NFATC3: variants seen among roughly 807,000 people sequenced by gnomAD.
NFATC3 encodes the protein nuclear factor of activated T-cells, cytoplasmic 3.
NFATC3 carries 46 observed loss-of-function variants against 98.6 expected under a neutral mutation model. The observed-to-expected ratio is 0.47, with a 90% CI of 0.37 to 0.60. The LOEUF is 0.60. Ranked by LOEUF, NFATC3 falls within the 20% of genes least tolerant of loss-of-function variation. NFATC3 has a pLI of 0.00. For missense variants in NFATC3, 1,256 were observed against 1,295.5 expected (o/e 0.97, Z 0.47); for synonymous variants, 512 against 472.2 (o/e 1.08, Z -1.09).
At chr16:68,128,216 A>G (rs1202314951) in intron 3 of NFATC3, among the ~76,000 whole-genome samples, 2 of 152,214 alleles carry the variant, frequency 1.3e-5, no homozygotes, top group African/African-American at 4.8e-5. Flanking sequence ...TTCAACAAAT[A>G]AAATCTACAA....
intron 1 of NFATC3, 50 bp downstream of exon 1, chr16:68,085,834 C>T (rs9933157): frequency 1.1e-5 from 15 of 1,312,618 alleles, no homozygotes; most frequent in African/African-American, 1.6e-5. Context: ...TTCTCGCTCG[C>T]AGGATCTCTC....
At chr16:68,194,016 A>G (rs2040553425) in intron 9 of NFATC3, among the ~76,000 whole-genome samples, 1 of 152,214 alleles carries the variant, frequency 6.6e-6, no homozygotes, top group Non-Finnish European at 1.5e-5. Context: ...AACAGAAGGT[A>G]TATGTGTAAA....
intron 3 of NFATC3, among the ~76,000 whole-genome samples, chr16:68,136,981 T>C (rs2037448997): frequency 6.6e-6 from 1 of 152,212 alleles, no homozygotes; most frequent in Admixed American, 6.5e-5. Context: ...GAAGTTGCTC[T>C]GGGTGAATCA....
Position 68,228,990 on chromosome 16 carries a change from A to T in NFATC3, c.*2519A>T, listed in dbSNP as rs1482400949. 6.6e-6 allele frequency: 1 copy of T among 152,250 alleles called. No homozygotes were observed. Among genetic ancestry groups the T allele is most frequent in the Non-Finnish European group, 1.5e-5 (1 of 68,042 alleles). The allele number at this position is 152,250 out of a possible 1,614,324, so 9.4% of individuals were successfully genotyped here. A position where few individuals can be genotyped will look rare whatever the true frequency, so the allele number is the denominator to read the frequency against. On this transcript the variant is annotated 3_prime_UTR_variant, in exon 10 of 10. Transcript: ENST00000346183. ...CAGACCTCTTCTGGGCCTGGCTGTG[A>T]AGCCCTGTTTTTGGTATTCAGAATG...
At chr16:68,162,171 C>G (rs921167361) in intron 4 of NFATC3, among the ~76,000 whole-genome samples, 1 of 152,168 alleles carries the variant, frequency 6.6e-6, no homozygotes, top group Admixed American at 6.5e-5. Context: ...AACAGGAGTT[C>G]TGTAGGACCC....
intron 2 of NFATC3, among the ~76,000 whole-genome samples, chr16:68,123,736 A>G (rs776481593): frequency 6.6e-6 from 1 of 152,018 alleles, no homozygotes; most frequent in Non-Finnish European, 1.5e-5. Context: ...GTGGTGTCTC[A>G]TGCCTGTAAT....
chr16:68,110,087 C>A (rs1567501914), intron 1 of NFATC3, among the ~76,000 whole-genome samples: 1 of 152,152 alleles, frequency 6.6e-6, no homozygotes, highest in Non-Finnish European at 1.5e-5. Flanking sequence ...TCACTGCAAC[C>A]TCCACCTCCT....
At chr16:68,159,417 T>G (rs1355536765) in intron 4 of NFATC3, among the ~76,000 whole-genome samples, 1 of 151,310 alleles carries the variant, frequency 6.6e-6, no homozygotes, top group Non-Finnish European at 1.5e-5. Context: ...TTTTTTTTTT[T>G]TTTATATTTT....
chr16:68,223,102 C>T (rs903801146), intron 9 of NFATC3, among the ~76,000 whole-genome samples: 3 of 152,228 alleles, frequency 2.0e-5, no homozygotes, highest in African/African-American at 7.2e-5. Flanking sequence ...AAAGCATCCT[C>T]ACAACTTTTC....
chr16:68,121,562 C>G (rs527519083), intron 1 of NFATC3, among the ~76,000 whole-genome samples: 65 of 151,032 alleles, frequency 4.3e-4, no homozygotes, highest in African/African-American at 1.5e-3. Flanking sequence ...CCCAGCTACT[C>G]CAGAGGCTGA....
rs200355791 is a variant in NFATC3, at chr16:68,098,300, A to ATTTTTTT, written c.103+12529_103+12535dup. Among the ~76,000 whole-genome samples, 155 of 94,296 alleles carry ATTTTTTT rather than the reference A, an allele frequency of 1.6e-3. 2 individuals are homozygous for ATTTTTTT. The highest frequency in any genetic ancestry group is 6.5e-3 in the African/African-American group (143 of 22,016). The allele number at this position is 94,296 out of a possible 152,430, so 61.9% of individuals were successfully genotyped here. A position where few individuals can be genotyped will look rare whatever the true frequency, so the allele number is the denominator to read the frequency against. Reference sequence around the variant, plus strand: ...TATTATTATTATTATTATTATTATTATTTTTTTTTTTTTTTTTTTAGATGG... The same window carrying ATTTTTTT: ...TATTATTATTATTATTATTATTATTATTTTTTTTTTTTTTTTTTTTTTTTTTAGATGG... On this transcript the variant is annotated intron_variant, in intron 1 of 9. Transcript: ENST00000346183.
intron 3 of NFATC3, among the ~76,000 whole-genome samples, chr16:68,137,739 G>A (rs1390370357): frequency 6.6e-6 from 1 of 150,606 alleles, no homozygotes; most frequent in Non-Finnish European, 1.5e-5. Context: ...TCAGCCTCCC[G>A]AGTAGCTGGG....
At chr16:68,193,274 G>A (rs971741987) in intron 9 of NFATC3, among the ~76,000 whole-genome samples, 1 of 152,006 alleles carries the variant, frequency 6.6e-6, no homozygotes, top group Admixed American at 6.6e-5. Context: ...GTATGGGGGG[G>A]TTGTATGGTA....
chr16:68,205,532 A>G (rs1452972332), intron 9 of NFATC3, among the ~76,000 whole-genome samples: 2 of 152,162 alleles, frequency 1.3e-5, no homozygotes, highest in Non-Finnish European at 2.9e-5. Flanking sequence ...GTTTCTTAAT[A>G]TAATCATTTT....
intron 1 of NFATC3, among the ~76,000 whole-genome samples, chr16:68,115,907 C>T (rs1471423722): frequency 6.6e-6 from 1 of 152,104 alleles, no homozygotes; most frequent in African/African-American, 2.4e-5. Context: ...CATTCAAAGT[C>T]TACTTTTCTT....
intron 1 of NFATC3, among the ~76,000 whole-genome samples, chr16:68,114,079 G>A (rs1170849283): frequency 6.6e-6 from 1 of 152,214 alleles, no homozygotes; most frequent in East Asian, 1.9e-4. Context: ...CCTTGGTGGC[G>A]TGGGCTCATG....
intron 9 of NFATC3, chr16:68,221,093 C>A: frequency 7.7e-7 from 1 of 1,303,446 alleles, no homozygotes; most frequent in South Asian, 1.4e-5. Context: ...TATATCCATT[C>A]AAGATGACTT....
At chr16:68,204,457 T>C (rs1336480157) in intron 9 of NFATC3, among the ~76,000 whole-genome samples, 1 of 152,232 alleles carries the variant, frequency 6.6e-6, no homozygotes, top group Non-Finnish European at 1.5e-5. Context: ...TAGTGGCTCA[T>C]TAATTCTTTG....
Position 68,183,191 on chromosome 16 carries a change from A to C in NFATC3, c.1972-49A>C, listed in dbSNP as rs766876828. 8 of 1,533,346 alleles carry C rather than the reference A, an allele frequency of 5.2e-6. No homozygotes were observed. In the South Asian group the frequency reaches 1.1e-4, roughly 20 times the overall value. The allele number at this position is 1,533,346 out of a possible 1,614,324, so 95.0% of individuals were successfully genotyped here. Reference sequence around the variant, plus strand: ...GAGTTGTGATGTGTTTAACAGGTGCATTTCATTTTTAGTTCTGAGTGTAAC... The same window carrying C: ...GAGTTGTGATGTGTTTAACAGGTGCCTTTCATTTTTAGTTCTGAGTGTAAC... On this transcript the variant is annotated intron_variant, in intron 7 of 9. Coordinates refer to ENST00000346183, the MANE Select transcript of NFATC3 (RefSeq NM_173165.3).
Sources: allele counts gnomAD v4.1 joint callset (sites outside exome capture counted in the v4.1 genomes callset), GRCh38; gene constraint gnomAD v4.1.1; transcripts MANE v1.5; gene names NCBI Gene and HGNC (gene_info 2026-07-23, HGNC 2026-07-21).